LRP1B: variants seen among roughly 807,000 people sequenced by gnomAD.
LRP1B encodes LDL receptor related protein 1B.
In LRP1B, 217 loss-of-function variants were observed where a neutral mutation model predicts 556.6. That is an observed-to-expected ratio of 0.39 (90% confidence interval 0.35 to 0.44). The LOEUF (loss-of-function observed/expected upper bound fraction) is 0.44, where lower values mean the gene tolerates loss of function less well. LRP1B is among the 20% of genes least tolerant of loss of function. LRP1B has a pLI of 1.00. For synonymous variants in LRP1B, 2,047 were observed against 1,865.8 expected (o/e 1.10, Z -2.50); for missense variants, 5,053 against 5,620.8 (o/e 0.90, Z 3.23).
chr2:141,152,261 T>A (rs1379512369), intron 7 of LRP1B, among the ~76,000 whole-genome samples: 1 of 152,146 alleles, frequency 6.6e-6, no homozygotes, highest in Non-Finnish European at 1.5e-5. Context: ...ACTCATAGAA[T>A]TGTAGTGAGA....
intron 1 of LRP1B, among the ~76,000 whole-genome samples, chr2:142,016,067 C>CA (rs1029511447): frequency 1.5e-5 from 2 of 131,086 alleles, no homozygotes; most frequent in African/African-American, 5.7e-5. Context: ...ATGTGGCTAA[C>CA]AAACATGAAA....
At chr2:141,126,340 A>C in intron 7 of LRP1B, among the ~76,000 whole-genome samples, 1 of 152,080 alleles carries the variant, frequency 6.6e-6, no homozygotes, top group East Asian at 1.9e-4. Flanking sequence ...GCCCTTTAAT[A>C]GCTATTTTCC....
At chr2:141,930,236 A>G (rs1288437220) in intron 1 of LRP1B, among the ~76,000 whole-genome samples, 1 of 152,068 alleles carries the variant, frequency 6.6e-6, no homozygotes, top group Non-Finnish European at 1.5e-5. Flanking sequence ...AGTAATAGTT[A>G]TAACCAGTTC....
rs189438148 is a variant in LRP1B, at chr2:141,099,785, C to A, written c.1014-37512G>T. Among the ~76,000 whole-genome samples the A allele has an allele frequency of 3.3e-5, 5 of 152,274 alleles. No homozygotes were observed. In the East Asian group the frequency reaches 7.7e-4, roughly 23 times the overall value. Reference sequence around the variant, plus strand: ...GGGCTGTCAACTAAATATAGGAAATCTGGTGTATTGATATGTTTTGAGTTC... The same window carrying A: ...GGGCTGTCAACTAAATATAGGAAATATGGTGTATTGATATGTTTTGAGTTC... On this transcript the variant is annotated intron_variant, in intron 7 of 90. Transcript: ENST00000389484.
chr2:140,883,156 C>T (rs931537746), intron 25 of LRP1B, among the ~76,000 whole-genome samples: 7 of 152,236 alleles, frequency 4.6e-5, no homozygotes, highest in African/African-American at 4.8e-5. Context: ...TGGGCAGGAA[C>T]GGGAACCCAT....
rs533133353 is a variant in LRP1B, at chr2:140,951,152, T to C, written c.2968+708A>G. 1.4e-4 allele frequency among the ~76,000 whole-genome samples: 22 copies of C among 152,292 alleles called. 1 individual carries two copies. Among genetic ancestry groups the C allele is most frequent in the Admixed American group, 8.5e-4 (13 of 15,280 alleles). On this transcript the variant is annotated intron_variant, in intron 19 of 90. Transcript: ENST00000389484. ...CCTATAGTTCTCATGTCCCATAGTTTATAATTCTATCTTCAATATCCTCCC... is the reference window on the plus strand; with the variant it reads ...CCTATAGTTCTCATGTCCCATAGTTCATAATTCTATCTTCAATATCCTCCC...
intron 2 of LRP1B, among the ~76,000 whole-genome samples, chr2:141,573,905 G>C (rs1456888800): frequency 6.6e-6 from 1 of 152,076 alleles, no homozygotes; most frequent in East Asian, 1.9e-4. Context: ...GGAAGAAATT[G>C]AATCCCTGAA....
intron 1 of LRP1B, among the ~76,000 whole-genome samples, chr2:141,838,734 C>T (rs763611443): frequency 1.3e-5 from 2 of 151,936 alleles, no homozygotes; most frequent in Non-Finnish European, 2.9e-5. Flanking sequence ...ATTTCTAGGA[C>T]GTAAAATAAT....
chr2:140,648,866 C>A (rs1412763696), intron 41 of LRP1B, among the ~76,000 whole-genome samples: 1 of 152,090 alleles, frequency 6.6e-6, no homozygotes, highest in African/African-American at 2.4e-5. Context: ...TAACCCCTCA[C>A]ACAATATCAC....
chr2:141,068,350 T>C (rs575431600), intron 7 of LRP1B, among the ~76,000 whole-genome samples: 1 of 151,878 alleles, frequency 6.6e-6, no homozygotes, highest in Non-Finnish European at 1.5e-5. Flanking sequence ...ATGGGACTTC[T>C]GGCCCACAAC....
chr2:141,366,922 T>G (rs938056632), intron 3 of LRP1B, among the ~76,000 whole-genome samples: 1 of 152,188 alleles, frequency 6.6e-6, no homozygotes, highest in African/African-American at 2.4e-5. Flanking sequence ...ACCTTTTAAC[T>G]CACTTGAAAT....
chr2:140,331,686 C>CATATATATATATATATATATATAT (rs10571873), intron 79 of LRP1B, among the ~76,000 whole-genome samples: 1 of 143,072 alleles, frequency 7.0e-6, no homozygotes, highest in African/African-American at 2.5e-5. Context: ...TATATATATA[C>CATATATATATATATATATATATAT]ATATATATAT....
intron 1 of LRP1B, among the ~76,000 whole-genome samples, chr2:141,909,489 G>A (rs1267980126): frequency 2.7e-5 from 4 of 149,598 alleles, no homozygotes; most frequent in Admixed American, 2.0e-4. Context: ...ACTGGTTCAG[G>A]CATCTGGGTT....
intron 7 of LRP1B, among the ~76,000 whole-genome samples, chr2:141,115,936 G>C (rs1700887669): frequency 6.6e-6 from 1 of 152,140 alleles, no homozygotes; most frequent in Non-Finnish European, 1.5e-5. Flanking sequence ...AGCATCGTAA[G>C]AGAATGATTA....
rs187601946 is a variant in LRP1B, at chr2:140,345,953, T to C, written c.11892+4844A>G. Among the ~76,000 whole-genome samples the C allele has an allele frequency of 4.3e-4, 65 of 150,164 alleles. 1 individual carries two copies. In the Middle Eastern group the frequency reaches 0.018, roughly 41 times the overall value. On this transcript the variant is annotated intron_variant, in intron 77 of 90. Coordinates refer to ENST00000389484, the MANE Select transcript of LRP1B (RefSeq NM_018557.3). ...CAAATTGGCCTTTACTCATCTTATC[T>C]TGGGATTTGCATTATCTGAATTTTT...
chr2:140,291,318 A>ATATATATTTTTTTTT (rs369391920), intron 84 of LRP1B, among the ~76,000 whole-genome samples: 68 of 109,318 alleles, frequency 6.2e-4, no homozygotes, highest in East Asian at 4.8e-3. Context: ...ATATATATAT[A>ATATATATTTTTTTTT]TTTTTATTAT....
At chr2:141,997,648 CATAT>C (rs138886100) in intron 1 of LRP1B, among the ~76,000 whole-genome samples, 30,127 of 139,078 alleles carry the variant, frequency 0.22, 3,922 homozygotes, top group East Asian at 0.32. Flanking sequence ...GCACCCAGCC[CATAT>C]ATATATATAT....
chr2:140,513,497 T>TA (rs1689752275), intron 51 of LRP1B, among the ~76,000 whole-genome samples: 1 of 13,978 alleles, frequency 7.2e-5, no homozygotes, highest in African/African-American at 3.5e-4. Context: ...GATTACTGAC[T>TA]TTTTTTCTTT....
intron 41 of LRP1B, among the ~76,000 whole-genome samples, chr2:140,667,938 T>C (rs1272955332): frequency 6.6e-6 from 1 of 152,106 alleles, no homozygotes; most frequent in Non-Finnish European, 1.5e-5. Context: ...TCATAACCAG[T>C]AGAAACTCAA....
Sources: allele counts gnomAD v4.1 joint callset (sites outside exome capture counted in the v4.1 genomes callset), GRCh38; gene constraint gnomAD v4.1.1; transcripts MANE v1.5; gene names NCBI Gene and HGNC (gene_info 2026-07-23, HGNC 2026-07-21).